COL21A1: variants seen among roughly 807,000 people sequenced by gnomAD.
COL21A1 encodes the protein collagen type XXI alpha 1 chain.
Under a neutral mutation model 137.9 loss-of-function variants are expected in COL21A1, and 149 were observed. That is an observed-to-expected ratio of 1.08 (90% CI 0.95 to 1.24). The LOEUF (loss-of-function observed/expected upper bound fraction) is 1.24. Among genes scored for constraint, COL21A1 ranks in the 50% most tolerant of loss-of-function variants. COL21A1 has a pLI of 0.00. For synonymous variants in COL21A1, 456 were observed against 391.5 expected, an observed-to-expected ratio of 1.16 and a Z score of -1.95; for missense variants, 1,167 against 1,158.4, an observed-to-expected ratio of 1.01 and a Z score of -0.11.
chr6:56,109,249 A>G (rs370634967), intron 16 of COL21A1, among the ~76,000 whole-genome samples: 2 of 151,884 alleles, frequency 1.3e-5, no homozygotes, highest in East Asian at 3.9e-4. Context: ...TCAAATTACA[A>G]TGTTGGATCT....
At chr6:56,356,183 T>C (rs1433959692) in intron 1 of COL21A1, among the ~76,000 whole-genome samples, 3 of 152,190 alleles carry the variant, frequency 2.0e-5, no homozygotes, top group East Asian at 3.9e-4. Context: ...GCAGTGAGCA[T>C]AGGATGCCAG....
At chr6:56,188,686 G>C (rs1380910553) in intron 1 of COL21A1, among the ~76,000 whole-genome samples, 1 of 152,118 alleles carries the variant, frequency 6.6e-6, no homozygotes. Flanking sequence ...GTTTATCCTG[G>C]GTCCCCAGTA....
At chr6:56,181,547 G>T (rs137874364) in intron 2 of COL21A1, among the ~76,000 whole-genome samples, 16 of 152,116 alleles carry the variant, frequency 1.1e-4, no homozygotes, top group Non-Finnish European at 2.1e-4. Context: ...CTCTAAGAGG[G>T]TTATTCTTGG....
At chr6:56,122,648 G>T (rs942350899) in intron 16 of COL21A1, among the ~76,000 whole-genome samples, 7 of 152,136 alleles carry the variant, frequency 4.6e-5, no homozygotes, top group African/African-American at 1.4e-4. Context: ...CAATATAGCT[G>T]CTAGAAAACA....
At chr6:56,271,765 C>T (rs777629553) in intron 1 of COL21A1, among the ~76,000 whole-genome samples, 1 of 152,212 alleles carries the variant, frequency 6.6e-6, no homozygotes, top group Non-Finnish European at 1.5e-5. Context: ...GACTTGGTGT[C>T]CTGTGTCCCA....
At chr6:56,164,702 A>T in intron 8 of COL21A1, 112 bp downstream of exon 8, 8 of 917,360 alleles carry the variant, frequency 8.7e-6, no homozygotes, top group Non-Finnish European at 1.3e-5. Context: ...TTGAAGTTAC[A>T]TAAAAATGGG....
rs779163381 is a variant in COL21A1 at position 56,061,689 on chromosome 6, A to T, written c.2173-8T>A. The stretch of plus-strand genomic sequence containing the variant: ...ATGATGGCCTTGAATTCCCTTTGAA[A>T]ATTAATAGAAAAAATATAATAAATG... On this transcript the variant is annotated splice_polypyrimidine_tract_variant and splice_region_variant and intron_variant, in intron 24 of 29. Coordinates refer to ENST00000244728, the MANE Select transcript of COL21A1 (RefSeq NM_030820.4). 59 of 1,558,122 alleles carry T rather than the reference A, an allele frequency of 3.8e-5. No individual in the cohort carries two copies. Among genetic ancestry groups the T allele is most frequent in the South Asian group, 7.0e-5 (6 of 86,158 alleles).
At chr6:56,294,878 C>A (rs996736112) in intron 1 of COL21A1, among the ~76,000 whole-genome samples, 2 of 151,872 alleles carry the variant, frequency 1.3e-5, no homozygotes, top group Non-Finnish European at 1.5e-5. Context: ...AATTTTTTTC[C>A]CAGTCAGTGG....
intron 1 of COL21A1, among the ~76,000 whole-genome samples, chr6:56,225,384 A>T (rs1378513240): frequency 6.6e-6 from 1 of 152,060 alleles, no homozygotes; most frequent in Non-Finnish European, 1.5e-5. Context: ...TTAGAGCTTC[A>T]CTTTGAGTGG....
chr6:56,119,831 G>T (rs556372534), intron 16 of COL21A1, among the ~76,000 whole-genome samples: 1 of 152,236 alleles, frequency 6.6e-6, no homozygotes, highest in South Asian at 2.1e-4. Context: ...TCAAGAAATG[G>T]TGCTAGGAAC....
At chr6:56,319,110 CT>C (rs1562053455) in intron 1 of COL21A1, among the ~76,000 whole-genome samples, 1 of 152,176 alleles carries the variant, frequency 6.6e-6, no homozygotes, top group Admixed American at 6.6e-5. Flanking sequence ...TCAACACTTT[CT>C]TCAGTTTCTG....
chr6:56,221,711 T>C (rs1372550797), intron 1 of COL21A1, among the ~76,000 whole-genome samples: 1 of 152,070 alleles, frequency 6.6e-6, no homozygotes, highest in Non-Finnish European at 1.5e-5. Flanking sequence ...AACAAGACTC[T>C]CTTTAAAAAA....
At chr6:56,231,852 G>C (rs980065436) in intron 1 of COL21A1, among the ~76,000 whole-genome samples, 38 of 151,556 alleles carry the variant, frequency 2.5e-4, no homozygotes, top group African/African-American at 8.7e-4. Flanking sequence ...TAAGTTTTTT[G>C]ATTGCTAAGC....
chr6:56,276,196 T>C (rs1351700060), intron 1 of COL21A1, among the ~76,000 whole-genome samples: 3 of 152,136 alleles, frequency 2.0e-5, no homozygotes, highest in African/African-American at 4.8e-5. Context: ...ATGGGGACAA[T>C]AGACACTGTG....
chr6:56,066,845 T>C (rs1184733234), intron 23 of COL21A1, among the ~76,000 whole-genome samples: 1 of 151,678 alleles, frequency 6.6e-6, no homozygotes, highest in African/African-American at 2.4e-5. Context: ...AATTTTCTGG[T>C]TTAATTTTCC....
chr6:56,259,701 G>A (rs543473462), intron 1 of COL21A1, among the ~76,000 whole-genome samples: 1 of 152,292 alleles, frequency 6.6e-6, no homozygotes, highest in African/African-American at 2.4e-5. Context: ...TCACTTGGGA[G>A]AGTTATGCAT....
At chr6:56,164,616 C>T (rs1776436015) in intron 8 of COL21A1, 110 bp from the exon 9 acceptor site, 2 of 915,802 alleles carry the variant, frequency 2.2e-6, no homozygotes, top group Non-Finnish European at 1.7e-6. Context: ...AAATATCTTA[C>T]ATTCACTTTC....
intron 12 of COL21A1, among the ~76,000 whole-genome samples, chr6:56,128,035 G>A (rs1025738591): frequency 1.5e-4 from 23 of 152,172 alleles, no homozygotes; most frequent in African/African-American, 5.6e-4. Flanking sequence ...TAAGCATAGG[G>A]GTGGACACAC....
intron 1 of COL21A1, among the ~76,000 whole-genome samples, chr6:56,241,194 A>G (rs1288700332): frequency 1.3e-5 from 2 of 152,214 alleles, no homozygotes; most frequent in Admixed American, 6.5e-5. Flanking sequence ...GTAATTAGAT[A>G]ACAAGACTGG....
Sources: allele counts gnomAD v4.1 joint callset (sites outside exome capture counted in the v4.1 genomes callset), GRCh38; gene constraint gnomAD v4.1.1; transcripts MANE v1.5; gene names NCBI Gene and HGNC (gene_info 2026-07-23, HGNC 2026-07-21).